Variants in PABPN1 observed in about 807,000 individuals in gnomAD.
The protein encoded by PABPN1 is polyadenylate-binding protein 2.
Under a neutral mutation model 33.4 loss-of-function variants are expected in PABPN1, and 5 were observed. That is an observed-to-expected ratio of 0.15 (90% confidence interval 0.08 to 0.32). The LOEUF (loss-of-function observed/expected upper bound fraction) is 0.32, where lower values mean the gene tolerates loss of function less well. Among genes scored for constraint, PABPN1 ranks in the 10% least tolerant of loss-of-function variants. The probability of loss-of-function intolerance (pLI) is 1.00; values close to 1 mark genes in which losing one functional copy is unlikely to be tolerated. For synonymous variants in PABPN1, 176 were observed against 170.6 expected, an observed-to-expected ratio of 1.03 and a Z score of -0.25; for missense variants, 312 against 425.8, an observed-to-expected ratio of 0.73 and a Z score of 2.35.
At chr14:23,322,945 G>T (rs536205156) in intron 2 of PABPN1, 54 bp from the exon 3 acceptor site, 2 of 1,612,284 alleles carry the variant, frequency 1.2e-6, no homozygotes, top group South Asian at 2.2e-5. Context: ...CAACATATTG[G>T]TCAAGTAGAA....
In PABPN1 at chr14:23,321,806, G is replaced by T. The variant is rs1241110428; in HGVS notation, c.337G>T (p.Ala113Ser). ...GLVEGDPGDGAIEDPELEAIK... is the reference protein window; with the variant it reads ...GLVEGDPGDGSIEDPELEAIK... ...GGTCGAGGGTGACCCGGGGGACGGC[G>T]CCATTGAGGACCCGGTGAGGGAAGG... Residue 113 changes from alanine (A) to serine (S), a missense_variant, in exon 1 of 7, where the codon GCC becomes TCC. Ala to Ser is a moderately conservative substitution (Grantham distance 99, BLOSUM62 1). Transcript: ENST00000216727. 4.7e-6 allele frequency: 7 copies of T among 1,491,868 alleles called. No homozygotes were observed. The highest frequency in any genetic ancestry group is 6.2e-6 in the Non-Finnish European group (7 of 1,121,768). 92.4% of individuals were successfully genotyped at this position (1,491,868 alleles called of 1,614,324 possible). A position where few individuals can be genotyped will look rare whatever the true frequency, so the allele number is the denominator to read the frequency against.
At chr14:23,324,100 T>A in intron 5 of PABPN1, 38 bp from the exon 6 acceptor site, 1 of 1,614,182 alleles carries the variant, frequency 6.2e-7, no homozygotes, top group Admixed American at 1.7e-5. Context: ...ACTCTCCAGG[T>A]TGCCTTTAAG....
chr14:23,325,263 A>T lies in PABPN1; in HGVS notation c.898A>T (p.Thr300Ser). ...TTCTTCCAGGGGCCGGGCTAGAGCGACATCATGGTATTCCCCTTACTAAAA... is the reference window on the plus strand; with the variant it reads ...TTCTTCCAGGGGCCGGGCTAGAGCGTCATCATGGTATTCCCCTTACTAAAA... Reference protein sequence around the residue: ...GRVYRGRARATSWYSPY With the variant: ...GRVYRGRARASSWYSPY The change falls in exon 7 of 7, where the codon ACA (threonine) becomes TCA (serine). Residue 300 changes from threonine to serine, a missense_variant. Thr to Ser is a moderately conservative substitution (Grantham distance 58). Transcript: ENST00000216727. The T allele has an allele frequency of 6.2e-7, 1 of 1,613,160 alleles. No individual in the cohort carries two copies. Among genetic ancestry groups the T allele is most frequent in the Non-Finnish European group, 8.5e-7 (1 of 1,179,848 alleles).
rs1473073244 is a variant in PABPN1, at chr14:23,325,657, T to C, written c.*371T>C. 4.5e-6 allele frequency: 1 copy of C among 224,310 alleles called. No homozygotes were observed. The highest frequency in any genetic ancestry group is 8.9e-6 in the Non-Finnish European group (1 of 112,432). The allele number at this position is 224,310 out of a possible 1,614,324, so 13.9% of individuals were successfully genotyped here. ...AGGTTTTTTTTTTTACCCAGGGCTC[T>C]GGAAGGACACCAAACTGTTCTGCTT... is the stretch of plus-strand genomic sequence containing the variant. On this transcript the variant is annotated 3_prime_UTR_variant, in exon 7 of 7. Transcript: ENST00000216727.
At position 23,322,801 on chromosome 14, in the gene PABPN1, T is replaced by C. The variant is rs1888417568; in HGVS notation, c.467-198T>C. On this transcript the variant is annotated intron_variant, in intron 2 of 6. Transcript: ENST00000216727. ...CTGTTTTAAGTGTGTATTAATTCTT[T>C]CAATTTATTGAATATTTAGTGAGTA... 2.5e-5 allele frequency: 16 copies of C among 639,498 alleles called. No homozygotes were observed. The South Asian group carries it at 2.9e-4, about 12-fold the overall frequency. The allele number at this position is 639,498 out of a possible 1,614,324, so 39.6% of individuals were successfully genotyped here.
At chr14:23,323,578 C>T in intron 4 of PABPN1, 95 bp downstream of exon 4, 2 of 1,155,830 alleles carry the variant, frequency 1.7e-6, no homozygotes, top group Non-Finnish European at 2.6e-6. Flanking sequence ...TTGGTGTTAA[C>T]ACAGGTGATC....
Position 23,321,985 on chromosome 14 carries a change from C to T in PABPN1, c.351+165C>T, listed in dbSNP as rs10438011. The T allele has an allele frequency of 2.3e-3, 1,772 of 781,292 alleles. 21 individuals carry two copies. The African/African-American group carries it at 0.027, about 12-fold the overall frequency. 48.4% of individuals were successfully genotyped at this position (781,292 alleles called of 1,614,324 possible). ...ATGGGTCAGCGATCACTACAAGGGGCCCGACTGGCTTGATTCGGGCGTCAC... is the reference window on the plus strand; with the variant it reads ...ATGGGTCAGCGATCACTACAAGGGGTCCGACTGGCTTGATTCGGGCGTCAC... On this transcript the variant is annotated intron_variant, in intron 1 of 6. Transcript: ENST00000216727.
At chr14:23,324,073 G>A in intron 5 of PABPN1, 21 bp downstream of exon 5, 2 of 1,614,166 alleles carry the variant, frequency 1.2e-6, no homozygotes, top group South Asian at 2.2e-5. Flanking sequence ...GTCCATTGCT[G>A]TTCTAGTTGT....
chr14:23,323,696 A>T (rs1225567593), intron 4 of PABPN1, among the ~76,000 whole-genome samples: 1 of 152,232 alleles, frequency 6.6e-6, no homozygotes, highest in East Asian at 1.9e-4. Context: ...TGGGATTACG[A>T]ACTAGAAGGG....
At chr14:23,321,982 G>C in intron 1 of PABPN1, 162 bp downstream of exon 1, 1 of 777,894 alleles carries the variant, frequency 1.3e-6, no homozygotes, top group Non-Finnish European at 2.1e-6. Context: ...TCACTACAAG[G>C]GGCCCGACTG....
In PABPN1 at chr14:23,324,196, G is replaced by C; in HGVS notation, c.788G>C (p.Arg263Pro). 6.2e-7 allele frequency: 1 copy of C among 1,614,104 alleles called. No individual in the cohort carries two copies. The highest frequency in any genetic ancestry group is 8.5e-7 in the Non-Finnish European group (1 of 1,180,030). The change falls in exon 6 of 7, where the codon CGA (arginine) becomes CCA (proline). Residue 263 changes from arginine (R) to proline (P), a missense_variant. Around this residue, in one of 3 missense-constraint regions of PABPN1, gnomAD observed 68 missense variants for 71.1 expected, o/e 0.96. Transcript: ENST00000216727. ...AGCACAACAGACCGGGGTTTTCCAC[G>C]AGCCCGCTACCGCGCCCGGACCACC... ...GISTTDRGFP[R>P]ARYRARTTNY...
chr14:23,321,977 A>T (rs539941050), intron 1 of PABPN1, 157 bp downstream of exon 1: 43 of 781,096 alleles, frequency 5.5e-5, no homozygotes, highest in Non-Finnish European at 6.9e-5. Context: ...AGCGATCACT[A>T]CAAGGGGCCC....
At chr14:23,323,512 T>A in intron 4 of PABPN1, 29 bp downstream of exon 4, 1 of 1,581,050 alleles carries the variant, frequency 6.3e-7, no homozygotes, top group Non-Finnish European at 8.7e-7. Context: ...GTTGAGATAA[T>A]TTAAATTACA....
intron 6 of PABPN1, chr14:23,325,023 CT>C: frequency 2.2e-6 from 1 of 455,178 alleles, no homozygotes. Context: ...AGATGCGCTT[CT>C]TTTTCGCCAC....
rs963708603 is a variant in PABPN1 at position 23,325,541 on chromosome 14, C to T, written c.*255C>T. ...TCACTCTGGGGATTCGCCATGGACA[C>T]GTCTCAACTGCGCAAGCTGCTGCCC... On this transcript the variant is annotated 3_prime_UTR_variant, in exon 7 of 7. Coordinates refer to ENST00000216727, the MANE Select transcript of PABPN1 (RefSeq NM_004643.4). 1.4e-5 allele frequency: 7 copies of T among 506,664 alleles called. No individual in the cohort carries two copies. The highest frequency in any genetic ancestry group is 1.3e-4 in the East Asian group (4 of 29,910). 31.4% of individuals were successfully genotyped at this position (506,664 alleles called of 1,614,324 possible).
chr14:23,323,189 G>A, intron 3 of PABPN1, 123 bp downstream of exon 3: 1 of 1,401,532 alleles, frequency 7.1e-7, no homozygotes, highest in South Asian at 1.2e-5. Context: ...GTGTGGGAAG[G>A]AGGTTAAAGG....
At chr14:23,324,368 C>A in intron 6 of PABPN1, 79 bp downstream of exon 6, 1 of 1,577,368 alleles carries the variant, frequency 6.3e-7, no homozygotes, top group Non-Finnish European at 8.6e-7. Flanking sequence ...TCTGAGGAAC[C>A]TCCCTCCCCC....
Position 23,321,977 on chromosome 14 carries a change from A to G in PABPN1, c.351+157A>G, listed in dbSNP as rs539941050. ...GGCCGGGGATGGGTCAGCGATCACT[A>G]CAAGGGGCCCGACTGGCTTGATTCG... On this transcript the variant is annotated intron_variant, in intron 1 of 6. Transcript: ENST00000216727. 1,963 of 781,198 alleles carry G rather than the reference A, an allele frequency of 2.5e-3. 9 individuals are homozygous for G. Among genetic ancestry groups the G allele is most frequent in the Non-Finnish European group, 3.6e-3 (1,748 of 489,836 alleles). 48.4% of individuals were successfully genotyped at this position (781,198 alleles called of 1,614,324 possible).
Position 23,325,381 on chromosome 14 carries a change from C to T in PABPN1, c.*95C>T. 7.1e-7 allele frequency: 1 copy of T among 1,413,862 alleles called. No homozygotes were observed. Among genetic ancestry groups the T allele is most frequent in the South Asian group, 1.3e-5 (1 of 76,200 alleles). 87.6% of individuals were successfully genotyped at this position (1,413,862 alleles called of 1,614,324 possible). A position where few individuals can be genotyped will look rare whatever the true frequency, so the allele number is the denominator to read the frequency against. On this transcript the variant is annotated 3_prime_UTR_variant, in exon 7 of 7. Transcript: ENST00000216727. ...AAAAAAAAGAAAAACAGAAGATGAC[C>T]TTGATGGAAAAAAAATATTTTTTAA...
Sources: allele counts gnomAD v4.1 joint callset (sites outside exome capture counted in the v4.1 genomes callset), GRCh38; gene constraint gnomAD v4.1.1; regional missense constraint gnomAD v4.1.1; transcripts MANE v1.5; gene names NCBI Gene and HGNC (gene_info 2026-07-23, HGNC 2026-07-21).